Variants in PDE4D observed in about 807,000 individuals in gnomAD.
PDE4D encodes the protein phosphodiesterase 4D.
A neutral mutation model predicts 87.4 loss-of-function variants in PDE4D; 24 were observed. That is an observed-to-expected ratio of 0.27 (90% CI 0.20 to 0.39). PDE4D has a LOEUF of 0.39. Among genes scored for constraint, PDE4D ranks in the 10% least tolerant of loss-of-function variants. PDE4D has a pLI of 1.00. For missense variants in PDE4D, 714 were observed against 1,041.0 expected, an observed-to-expected ratio of 0.69 and a Z score of 4.32; for synonymous variants, 384 against 383.2, an observed-to-expected ratio of 1.00 and a Z score of -0.02.
upstream of PDE4D, chr5:60,489,597 G>A (rs1749413999): frequency 6.6e-6 from 1 of 152,146 alleles, no homozygotes; most frequent in Non-Finnish European, 1.5e-5. Context: ...TGACTAGCCA[G>A]GGAAGAATAT....
At chr5:59,165,055 A>G (rs1263528235) in intron 5 of PDE4D, 1 of 152,222 alleles carries the variant, frequency 6.6e-6, no homozygotes, top group Non-Finnish European at 1.5e-5. Flanking sequence ...GGATCTCTAA[A>G]AAAAATGAGT....
rs534653673 is a variant in PDE4D, at chr5:59,924,656, G to A, written c.272+63832C>T. On this transcript the variant is annotated intron_variant, in intron 3 of 16. Coordinates refer to the PDE4D transcript ENST00000502484. ...GCATGGAGATATAAAGACTTTCTGA[G>A]ACAAGCAAAAGTTGATATGTCATCA... Among the ~76,000 whole-genome samples, 68 of 151,640 alleles carry A rather than the reference G, an allele frequency of 4.5e-4. No homozygotes were observed. The South Asian group carries it at 0.014, about 31-fold the overall frequency.
At chr5:59,630,780 G>T (rs924269572) in intron 1 of PDE4D, among the ~76,000 whole-genome samples, 3 of 152,098 alleles carry the variant, frequency 2.0e-5, no homozygotes, top group African/African-American at 7.2e-5. Flanking sequence ...ACTAAACATG[G>T]CTACCTATGT....
intron 2 of PDE4D, among the ~76,000 whole-genome samples, chr5:60,043,264 A>T (rs1230671166): frequency 2.0e-4 from 31 of 151,952 alleles, no homozygotes; most frequent in Admixed American, 2.0e-3. Flanking sequence ...ATGAAAGGGA[A>T]AGAACAAAGC....
At chr5:59,985,153 T>TTTTTTTTTTTTTC (rs1762324284) in intron 3 of PDE4D, among the ~76,000 whole-genome samples, 1 of 131,720 alleles carries the variant, frequency 7.6e-6, no homozygotes, top group Non-Finnish European at 1.7e-5. Context: ...TTGTTTTTTA[T>TTTTTTTTTTTTTC]TTTGAGACAG....
At chr5:59,725,904 T>C (rs193295640) in intron 1 of PDE4D, among the ~76,000 whole-genome samples, 212 of 152,218 alleles carry the variant, frequency 1.4e-3, no homozygotes, top group African/African-American at 4.8e-3. Flanking sequence ...AATCAGTCTC[T>C]AAACAATTAT....
intron 1 of PDE4D, among the ~76,000 whole-genome samples, chr5:60,386,935 A>G (rs1762230507): frequency 6.6e-6 from 1 of 151,938 alleles, no homozygotes. Flanking sequence ...TCTGATAGAA[A>G]CTAAATTGCC....
intron 1 of PDE4D, among the ~76,000 whole-genome samples, chr5:59,745,582 C>T (rs1012900563): frequency 7.2e-5 from 11 of 152,082 alleles, no homozygotes; most frequent in Non-Finnish European, 1.5e-4. Context: ...AGCAAGCCCA[C>T]GTCTTGACAG....
rs116477300 is a variant in PDE4D at position 59,286,818 on chromosome 5, G to A, written c.456-70850C>T. 2.3e-3 allele frequency among the ~76,000 whole-genome samples: 351 copies of A among 152,214 alleles called. 1 individual carries two copies. The highest frequency in any genetic ancestry group is 8.1e-3 in the African/African-American group (338 of 41,542). On this transcript the variant is annotated intron_variant, in intron 1 of 14. Coordinates refer to ENST00000340635, the MANE Select transcript of PDE4D (RefSeq NM_001104631.2). Reference sequence around the variant, plus strand: ...TAAAATACAATATGTGATCAAACAAGTAACTTTTGGAAAAAATGCATTTTT... The same window carrying A: ...TAAAATACAATATGTGATCAAACAAATAACTTTTGGAAAAAATGCATTTTT...
At chr5:60,374,099 C>T (rs1478526115) in intron 1 of PDE4D, among the ~76,000 whole-genome samples, 1 of 152,172 alleles carries the variant, frequency 6.6e-6, no homozygotes, top group African/African-American at 2.4e-5. Flanking sequence ...ACCAAGCCTT[C>T]CTTTCCTTGA....
upstream of PDE4D, chr5:59,893,884 C>A: frequency 8.5e-7 from 1 of 1,174,118 alleles, no homozygotes. Context: ...CCCAAGTCAC[C>A]AAGACTAGGG....
chr5:60,310,731 A>G (rs1258351122), intron 1 of PDE4D, among the ~76,000 whole-genome samples: 1 of 152,248 alleles, frequency 6.6e-6, no homozygotes, highest in African/African-American at 2.4e-5. Flanking sequence ...TCTACTTCTG[A>G]CACACTTCTT....
chr5:59,529,171 T>C (rs1177600267), intron 1 of PDE4D: 15 of 485,152 alleles, frequency 3.1e-5, no homozygotes, highest in Non-Finnish European at 5.4e-5. Flanking sequence ...CTTCTGGTAT[T>C]ATGTTTTCAA....
In PDE4D at chr5:60,282,464, T is replaced by C. The variant is rs187880807; in HGVS notation, c.-89-96777A>G. 2.6e-5 allele frequency among the ~76,000 whole-genome samples: 4 copies of C among 152,230 alleles called. No individual in the cohort carries two copies. In the East Asian group the frequency reaches 5.8e-4, roughly 22 times the overall value. On this transcript the variant is annotated intron_variant, in intron 1 of 16. Coordinates refer to the PDE4D transcript ENST00000502484. Reference sequence around the variant, plus strand: ...TTCTTTTTCCTCTAAGTGGCTTTCATAGAAATAATGAGAAGCTCCAGCTTA... The same window carrying C: ...TTCTTTTTCCTCTAAGTGGCTTTCACAGAAATAATGAGAAGCTCCAGCTTA...
At position 60,142,221 on chromosome 5, in the gene PDE4D, AGAGG is replaced by A. The variant is rs550641040; in HGVS notation, c.42+43332_42+43335del. 1.2e-3 allele frequency among the ~76,000 whole-genome samples: 169 copies of A among 138,268 alleles called. 1 individual carries two copies. Among genetic ancestry groups the A allele is most frequent in the African/African-American group, 3.9e-3 (151 of 38,826 alleles). The allele number at this position is 138,268 out of a possible 152,430, so 90.7% of individuals were successfully genotyped here. A position where few individuals can be genotyped will look rare whatever the true frequency, so the allele number is the denominator to read the frequency against. On this transcript the variant is annotated intron_variant, in intron 2 of 16. Transcript: ENST00000502484. ...GGAAGGAAGGACGGATGGGAGGGAGAGAGGGAGGGAGGGAGGGAAGAAGGAAGGA... is the reference window on the plus strand; with the variant it reads ...GGAAGGAAGGACGGATGGGAGGGAGAGAGGGAGGGAGGGAAGAAGGAAGGA...
intron 1 of PDE4D, among the ~76,000 whole-genome samples, chr5:59,414,080 T>C (rs1192855235): frequency 6.6e-6 from 1 of 152,230 alleles, no homozygotes; most frequent in Non-Finnish European, 1.5e-5. Context: ...ATGAAAGACA[T>C]TTTAGAAGCT....
intron 1 of PDE4D, among the ~76,000 whole-genome samples, chr5:60,358,403 T>G (rs948129490): frequency 6.6e-6 from 1 of 152,198 alleles, no homozygotes; most frequent in African/African-American, 2.4e-5. Context: ...TTGGTTCTCT[T>G]AACCATCTTG....
intron 1 of PDE4D, among the ~76,000 whole-genome samples, chr5:60,199,596 T>A (rs1355738530): frequency 2.0e-5 from 3 of 151,728 alleles, no homozygotes. Context: ...AGAAGGACAA[T>A]GATGCTTGAG....
chr5:59,029,740 G>A, intron 6 of PDE4D, among the ~76,000 whole-genome samples: 1 of 151,176 alleles, frequency 6.6e-6, no homozygotes, highest in Admixed American at 6.6e-5. Context: ...AAGCAATCTT[G>A]AACAAAAAGA....
Sources: gnomAD v4.1 joint callset for allele counts (sites outside exome capture counted in the v4.1 genomes callset) on GRCh38, gnomAD v4.1.1 for gene constraint, MANE v1.5 for transcripts, NCBI Gene and HGNC (gene_info 2026-07-23, HGNC 2026-07-21) for gene names.